Variants in KHDRBS3 observed in about 807,000 individuals in gnomAD.
KHDRBS3 encodes KH RNA binding domain containing, signal transduction associated 3.
In KHDRBS3, 23 loss-of-function variants were observed where a neutral mutation model predicts 45.6. The observed-to-expected ratio is 0.50, with a 90% CI of 0.36 to 0.72. KHDRBS3 has a LOEUF of 0.72. Ranked by LOEUF, KHDRBS3 falls within the 30% of genes least tolerant of loss-of-function variation. KHDRBS3 has a pLI of 0.00. For missense variants in KHDRBS3, 352 were observed against 424.8 expected, an observed-to-expected ratio of 0.83 and a Z score of 1.51; for synonymous variants, 162 against 156.5, an observed-to-expected ratio of 1.04 and a Z score of -0.26.
Position 135,458,768 on chromosome 8 carries a change from C to T in KHDRBS3, c.88+814C>T, listed in dbSNP as rs377028478. The T allele has an allele frequency of 6.9e-6, 3 of 434,582 alleles. No homozygotes were observed. The East Asian group carries it at 2.1e-4, about 30-fold the overall frequency. The allele number at this position is 434,582 out of a possible 1,614,324, so 26.9% of individuals were successfully genotyped here. On this transcript the variant is annotated intron_variant, in intron 1 of 8. Coordinates refer to ENST00000355849, the MANE Select transcript of KHDRBS3 (RefSeq NM_006558.3). The stretch of plus-strand genomic sequence containing the variant: ...GGGAGTCCTTGCCATTTTCACACGA[C>T]TCCAGCCAGCTCAGGGTGTGAAAGA...
intron 7 of KHDRBS3, among the ~76,000 whole-genome samples, chr8:135,635,735 A>G (rs1017844063): frequency 1.3e-5 from 2 of 152,146 alleles, no homozygotes; most frequent in Admixed American, 6.5e-5. Flanking sequence ...CTAAAACCAT[A>G]CCAGTAACCT....
intron 2 of KHDRBS3, among the ~76,000 whole-genome samples, chr8:135,538,122 G>A (rs1825866494): frequency 6.6e-6 from 1 of 152,150 alleles, no homozygotes; most frequent in African/African-American, 2.4e-5. Context: ...GTGTGGGGCA[G>A]TGCGATGAAT....
intron 1 of KHDRBS3, among the ~76,000 whole-genome samples, chr8:135,510,641 G>A (rs1308301986): frequency 6.6e-6 from 1 of 152,202 alleles, no homozygotes; most frequent in East Asian, 1.9e-4. Context: ...CACCGTGTTG[G>A]CCAAGATGGT....
Position 135,612,411 on chromosome 8 carries a change from C to T in KHDRBS3, c.890+5374C>T, listed in dbSNP as rs904467364. On this transcript the variant is annotated intron_variant, in intron 7 of 8. Transcript: ENST00000355849. ...TACATATTACAGTCGTAGGCTTAGACTAGTGAAATTAAGAAATTTGTTTTT... is the reference window on the plus strand; with the variant it reads ...TACATATTACAGTCGTAGGCTTAGATTAGTGAAATTAAGAAATTTGTTTTT... 4.6e-5 allele frequency among the ~76,000 whole-genome samples: 7 copies of T among 151,928 alleles called. No homozygotes were observed. The East Asian group carries it at 7.7e-4, about 17-fold the overall frequency.
At chr8:135,579,291 C>T (rs991774759) in intron 5 of KHDRBS3, among the ~76,000 whole-genome samples, 2 of 152,170 alleles carry the variant, frequency 1.3e-5, no homozygotes, top group African/African-American at 2.4e-5. Context: ...AAGGGGAAAG[C>T]ATTCAGTTGC....
chr8:135,523,453 A>G (rs1226526001), intron 2 of KHDRBS3, among the ~76,000 whole-genome samples: 1 of 152,064 alleles, frequency 6.6e-6, no homozygotes, highest in African/African-American at 2.4e-5. Context: ...TATGTTAACC[A>G]TGTCTCCTGC....
rs182106598 is a variant in KHDRBS3 at position 135,490,966 on chromosome 8, G to T, written c.89-30271G>T. 1.5e-4 allele frequency among the ~76,000 whole-genome samples: 23 copies of T among 152,302 alleles called. No homozygotes were observed. The East Asian group carries it at 3.3e-3, about 22-fold the overall frequency. On this transcript the variant is annotated intron_variant, in intron 1 of 8. Coordinates refer to ENST00000355849, the MANE Select transcript of KHDRBS3 (RefSeq NM_006558.3). ...ATGTTGGCATTATTAAACATTACTTGTCAGAGATATGGGTGTTTCTTTGCG... is the reference window on the plus strand; with the variant it reads ...ATGTTGGCATTATTAAACATTACTTTTCAGAGATATGGGTGTTTCTTTGCG...
chr8:135,580,957 C>A (rs896372201), intron 5 of KHDRBS3, among the ~76,000 whole-genome samples: 2 of 151,862 alleles, frequency 1.3e-5, no homozygotes, highest in African/African-American at 2.4e-5. Context: ...CTTTTTTTTT[C>A]TCTTTAGCCT....
At chr8:135,564,683 C>T (rs1827319790) in intron 5 of KHDRBS3, among the ~76,000 whole-genome samples, 1 of 152,130 alleles carries the variant, frequency 6.6e-6, no homozygotes. Flanking sequence ...TTGACCTAGC[C>T]TCAAAGTTCA....
intron 7 of KHDRBS3, among the ~76,000 whole-genome samples, chr8:135,620,617 G>T (rs993490773): frequency 5.3e-5 from 8 of 152,164 alleles, no homozygotes; most frequent in African/African-American, 1.9e-4. Flanking sequence ...TGAAGATATT[G>T]TGGTTTTTAG....
At chr8:135,482,540 CT>C (rs759407834) in intron 1 of KHDRBS3, among the ~76,000 whole-genome samples, 1 of 152,176 alleles carries the variant, frequency 6.6e-6, no homozygotes, top group Non-Finnish European at 1.5e-5. Flanking sequence ...CCTTATGCTT[CT>C]GCAGACCCAA....
intron 1 of KHDRBS3, among the ~76,000 whole-genome samples, chr8:135,469,526 T>TG (rs1457674045): frequency 0.28 from 10,525 of 36,986 alleles, 533 homozygotes; most frequent in East Asian, 0.53. Flanking sequence ...TGTTTTGGTT[T>TG]TTTTTTTTTT....
At chr8:135,525,070 C>T (rs929346482) in intron 2 of KHDRBS3, among the ~76,000 whole-genome samples, 13 of 152,040 alleles carry the variant, frequency 8.6e-5, no homozygotes, top group Admixed American at 7.2e-4. Context: ...ATTGCTTCAG[C>T]CCTTTGCATT....
At chr8:135,540,023 A>G (rs1342226484) in intron 2 of KHDRBS3, 1 of 152,214 alleles carries the variant, frequency 6.6e-6, no homozygotes, top group Non-Finnish European at 1.5e-5. Flanking sequence ...AAAGCCTCTT[A>G]ATTTTTATCA....
intron 6 of KHDRBS3, among the ~76,000 whole-genome samples, chr8:135,605,322 C>T (rs1303095503): frequency 1.3e-5 from 2 of 151,986 alleles, no homozygotes; most frequent in South Asian, 2.1e-4. Context: ...TCTGTTCATT[C>T]ATCTTTTTTT....
At chr8:135,545,024 C>T (rs548532651) in intron 3 of KHDRBS3, among the ~76,000 whole-genome samples, 1 of 152,090 alleles carries the variant, frequency 6.6e-6, no homozygotes, top group South Asian at 2.1e-4. Flanking sequence ...GTTTCCTCTG[C>T]TCGGTGTAAA....
chr8:135,626,747 T>A (rs941922257), intron 7 of KHDRBS3, among the ~76,000 whole-genome samples: 1 of 135,802 alleles, frequency 7.4e-6, no homozygotes, highest in Admixed American at 8.8e-5. Context: ...GAGCTTGCAG[T>A]GAGCCGAGAT....
chr8:135,464,344 T>C (rs887483622), intron 1 of KHDRBS3, among the ~76,000 whole-genome samples: 1 of 152,198 alleles, frequency 6.6e-6, no homozygotes, highest in Non-Finnish European at 1.5e-5. Context: ...TTTTTAAATA[T>C]GTATATATTT....
intron 1 of KHDRBS3, among the ~76,000 whole-genome samples, chr8:135,495,584 C>T (rs1823396670): frequency 6.6e-6 from 1 of 152,186 alleles, no homozygotes; most frequent in South Asian, 2.1e-4. Flanking sequence ...ACTTTTACTC[C>T]CACTTCACCC....
Sources: gnomAD v4.1 joint callset for allele counts (sites outside exome capture counted in the v4.1 genomes callset) on GRCh38, gnomAD v4.1.1 for gene constraint, MANE v1.5 for transcripts, NCBI Gene and HGNC (gene_info 2026-07-23, HGNC 2026-07-21) for gene names.